HTR3A: variants seen among roughly 807,000 people sequenced by gnomAD.
HTR3A encodes 5-hydroxytryptamine receptor 3A.
A neutral mutation model predicts 54.8 loss-of-function variants in HTR3A; 45 were observed. The observed-to-expected ratio is 0.82, with a 90% CI of 0.65 to 1.05. The LOEUF (loss-of-function observed/expected upper bound fraction) is 1.05. Ranked by LOEUF, HTR3A falls within the 50% of genes least tolerant of loss-of-function variation. The probability of loss-of-function intolerance (pLI) is 0.00; values close to 1 mark genes in which losing one functional copy is unlikely to be tolerated. For missense variants in HTR3A, 657 were observed against 614.0 expected (o/e 1.07, Z -0.74); for synonymous variants, 297 against 256.0 (o/e 1.16, Z -1.53).
intron 5 of HTR3A, among the ~76,000 whole-genome samples, chr11:113,985,353 A>T (rs913542794): frequency 6.6e-6 from 1 of 152,214 alleles, no homozygotes; most frequent in Admixed American, 6.5e-5. Flanking sequence ...GCTATAAAAT[A>T]GCTCATGATT....
In HTR3A at chr11:113,989,829, A is replaced by G; in HGVS notation, c.*66A>G. The G allele has an allele frequency of 6.5e-6, 10 of 1,537,808 alleles. No homozygotes were observed. The highest frequency in any genetic ancestry group is 8.9e-6 in the Non-Finnish European group (10 of 1,123,506). ...AGGTGGGGACAGAGGATTTCTGCTTAGGCCCCTCAGGACCCAGGGAATGCC... is the reference window on the plus strand; with the variant it reads ...AGGTGGGGACAGAGGATTTCTGCTTGGGCCCCTCAGGACCCAGGGAATGCC... On this transcript the variant is annotated 3_prime_UTR_variant, in exon 9 of 9. Transcript: ENST00000504030. This position sits in a 1 kb window ranked among gnomAD's most constrained non-coding sequence, Gnocchi z 4.4.
intron 2 of HTR3A, 33 bp from the exon 3 acceptor site, chr11:113,979,200 G>A (rs776272505): frequency 2.5e-6 from 4 of 1,590,542 alleles, no homozygotes; most frequent in East Asian, 4.5e-5. Flanking sequence ...CAGTCCACAG[G>A]GTTACTTGTT....
In HTR3A at chr11:113,989,429, T is replaced by G; in HGVS notation, c.1139-36T>G. On this transcript the variant is annotated intron_variant, in intron 8 of 8. Transcript: ENST00000504030. This position sits in a 1 kb window ranked among gnomAD's most constrained non-coding sequence, Gnocchi z 4.4. ...ACCATGTTCAGGTCACCACCCGGGG[T>G]CTCCCTCTCTTGCCAATGCCCTGCC... 2.5e-5 allele frequency: 40 copies of G among 1,611,996 alleles called. No homozygotes were observed. The highest frequency in any genetic ancestry group is 3.4e-5 in the Non-Finnish European group (40 of 1,179,168).
rs1052492116 is a variant in HTR3A at position 113,975,374 on chromosome 11, C to A, written c.49C>A (p.Leu17Ile). ...QALLALLLPT[L>I]LAQGEARRSR... is the part of the protein sequence containing the mutation. ...GCTGCTCGCCTTGCTCCTCCCCACA[C>A]TCCTGGCACAGGGAGAAGGTAAGCA... Residue 17 changes from leucine (L) to isoleucine (I), a missense_variant, in exon 1 of 9, where the codon CTC (leucine) becomes ATC (isoleucine). By Grantham distance (5) the Leu-to-Ile change is conservative. Coordinates refer to ENST00000504030, the MANE Select transcript of HTR3A (RefSeq NM_000869.6). The A allele has an allele frequency of 1.2e-6, 2 of 1,612,798 alleles. No homozygotes were observed. Among genetic ancestry groups the A allele is most frequent in the Non-Finnish European group, 1.7e-6 (2 of 1,179,972 alleles).
In HTR3A at chr11:113,975,209, A is replaced by C; in HGVS notation, c.-117A>C. 1.1e-6 allele frequency: 1 copy of C among 912,858 alleles called. No homozygotes were observed. Among genetic ancestry groups the C allele is most frequent in the Non-Finnish European group, 1.8e-6 (1 of 570,216 alleles). 56.5% of individuals were successfully genotyped at this position (912,858 alleles called of 1,614,324 possible). ...GGCTGCAGCCTCAGAAGGTGTGAGC[A>C]GTGGCCACGAGAGGCAGGCTGGCTG... On this transcript the variant is annotated 5_prime_UTR_variant, in exon 1 of 9. Transcript: ENST00000504030.
In HTR3A at chr11:113,977,839, A is replaced by G. The variant is rs572508628; in HGVS notation, c.136A>G (p.Arg46Gly). The G allele has an allele frequency of 2.5e-5, 41 of 1,614,146 alleles. No individual in the cohort carries two copies. In the Admixed American group the frequency reaches 6.8e-4, roughly 27 times the overall value. ...RLSDYLLTNY[R>G]KGVRPVRDWR... ...GTCGGATTACCTTTTGACCAACTAC[A>G]GGAAGGGTGTGCGCCCCGTGAGGGA... The change falls in exon 2 of 9, where the codon AGG becomes GGG. Residue 46 changes from arginine (R) to glycine (G), a missense_variant. Transcript: ENST00000504030.
At chr11:113,986,385 G>A in intron 6 of HTR3A, 133 bp from the exon 7 acceptor site, 7 of 1,118,190 alleles carry the variant, frequency 6.3e-6, no homozygotes, top group Non-Finnish European at 9.2e-6. Context: ...AGGGTATGGG[G>A]GTCTGTCTGT....
chr11:113,980,002 C>T (rs985479760), intron 3 of HTR3A, among the ~76,000 whole-genome samples: 1 of 152,174 alleles, frequency 6.6e-6, no homozygotes, highest in South Asian at 2.1e-4. Context: ...TGGCTCATGG[C>T]ACATCCATCA....
intron 5 of HTR3A, among the ~76,000 whole-genome samples, chr11:113,984,692 G>T (rs908753592): frequency 1.3e-5 from 2 of 152,196 alleles, no homozygotes; most frequent in African/African-American, 2.4e-5. Context: ...GCGTAGGCAG[G>T]TGGATCACGA....
intron 3 of HTR3A, among the ~76,000 whole-genome samples, chr11:113,980,767 G>A (rs959235331): frequency 6.6e-6 from 1 of 152,190 alleles, no homozygotes; most frequent in Non-Finnish European, 1.5e-5. Flanking sequence ...TGACATGATC[G>A]AATTTACATT....
intron 8 of HTR3A, among the ~76,000 whole-genome samples, chr11:113,988,170 C>T (rs374697204): frequency 4.4e-4 from 67 of 152,360 alleles, no homozygotes; most frequent in African/African-American, 1.5e-3. Flanking sequence ...ATTTTTGGCT[C>T]ATCTAAGGCC....
intron 5 of HTR3A, 41 bp from the exon 6 acceptor site, chr11:113,985,974 G>T: frequency 6.2e-7 from 1 of 1,612,072 alleles, no homozygotes; most frequent in Non-Finnish European, 8.5e-7. Flanking sequence ...GCAGGCTCTG[G>T]GTACTAGATT....
At position 113,986,144 on chromosome 11, in the gene HTR3A, G is replaced by A; in HGVS notation, c.674G>A (p.Ser225Asn). 3 of 1,614,218 alleles carry A rather than the reference G, an allele frequency of 1.9e-6. No individual in the cohort carries two copies. Among genetic ancestry groups the A allele is most frequent in the Non-Finnish European group, 2.5e-6 (3 of 1,180,046 alleles). ...TACTTTCGGGAGTTCAGCATGGAAA[G>A]CAGTAACTACTATGCAGAAATGAAG... ...LPYFREFSMESSNYYAEMKFY... is the reference protein window; with the variant it reads ...LPYFREFSMENSNYYAEMKFY... The change falls in exon 6 of 9, where the codon AGC (serine) becomes AAC (asparagine). Residue 225 changes from serine (S) to asparagine (N), a missense_variant. By Grantham distance (46) the Ser-to-Asn change is conservative. Coordinates refer to ENST00000504030, the MANE Select transcript of HTR3A (RefSeq NM_000869.6).
intron 3 of HTR3A, chr11:113,980,994 G>A (rs1322934571): frequency 7.0e-6 from 4 of 573,048 alleles, no homozygotes; most frequent in East Asian, 3.0e-5. Flanking sequence ...ACATCTAGCC[G>A]AGTTGTTATG....
At chr11:113,985,377 G>A (rs948785907) in intron 5 of HTR3A, among the ~76,000 whole-genome samples, 1 of 152,182 alleles carries the variant, frequency 6.6e-6, no homozygotes, top group African/African-American at 2.4e-5. Context: ...GAAGGCAGCT[G>A]TGCTCACCAC....
chr11:113,988,157 G>T (rs1165580630), intron 8 of HTR3A, among the ~76,000 whole-genome samples: 1 of 152,218 alleles, frequency 6.6e-6, no homozygotes, highest in Non-Finnish European at 1.5e-5. Flanking sequence ...CCCTTTACAT[G>T]AGATTTTTGG....
chr11:113,977,559 A>G (rs1289646644), intron 1 of HTR3A: 1 of 1,547,734 alleles, frequency 6.5e-7, no homozygotes, highest in South Asian at 1.2e-5. Flanking sequence ...CAATGAATGC[A>G]TAGGTCCTTT....
chr11:113,990,265 C>T lies in HTR3A; in HGVS notation c.*502C>T. ...TGGCAGCTTCCCTGAACACTCATCCCCCATCAGATGATGGGAGTGGGAAGA... is the reference window on the plus strand; with the variant it reads ...TGGCAGCTTCCCTGAACACTCATCCTCCATCAGATGATGGGAGTGGGAAGA... On this transcript the variant is annotated 3_prime_UTR_variant, in exon 9 of 9. Coordinates refer to ENST00000504030, the MANE Select transcript of HTR3A (RefSeq NM_000869.6). 2.2e-6 allele frequency: 1 copy of T among 450,378 alleles called. No individual in the cohort carries two copies. The highest frequency in any genetic ancestry group is 2.0e-5 in the African/African-American group (1 of 49,964). The allele number at this position is 450,378 out of a possible 1,614,324, so 27.9% of individuals were successfully genotyped here.
chr11:113,986,583 G>T lies in HTR3A; in HGVS notation c.771G>T (p.Met257Ile). Residue 257 changes from methionine to isoleucine, a missense_variant, in exon 7 of 9, where the codon ATG becomes ATT. Met to Ile is a conservative substitution (Grantham distance 10). Coordinates refer to ENST00000504030, the MANE Select transcript of HTR3A (RefSeq NM_000869.6). Reference sequence around the variant, plus strand: ...TGCTACTGCCCAGCATCTTCCTCATGGTCATGGACATCGTGGGCTTCTACC... The same window carrying T: ...TGCTACTGCCCAGCATCTTCCTCATTGTCATGGACATCGTGGGCTTCTACC... ...VSLLLPSIFL[M>I]VMDIVGFYLP... The T allele has an allele frequency of 6.2e-7, 1 of 1,613,462 alleles. No homozygotes were observed. The highest frequency in any genetic ancestry group is 8.5e-7 in the Non-Finnish European group (1 of 1,180,014).
Sources: allele counts gnomAD v4.1 joint callset (sites outside exome capture counted in the v4.1 genomes callset), GRCh38; gene constraint gnomAD v4.1.1; non-coding constraint Gnocchi (gnomAD v3.1); transcripts MANE v1.5; gene names NCBI Gene and HGNC (gene_info 2026-07-23, HGNC 2026-07-21).